The following DIPK1B variants were observed in gnomAD, a reference collection of about 807,000 sequenced individuals.
DIPK1B encodes family with sequence similarity 69 member B.
Under a neutral mutation model 20.7 loss-of-function variants are expected in DIPK1B, and 17 were observed. The ratio of observed to expected loss-of-function variants is 0.82; its 90% confidence interval spans 0.56 to 1.23. DIPK1B has a LOEUF of 1.23. DIPK1B is among the 50% of genes most tolerant of loss of function. The pLI is 0.00. For synonymous variants in DIPK1B, 343 were observed against 276.5 expected, an observed-to-expected ratio of 1.24 and a Z score of -2.39; for missense variants, 648 against 601.8, an observed-to-expected ratio of 1.08 and a Z score of -0.80.
At position 136,722,991 on chromosome 9, in the gene DIPK1B, G is replaced by C; in HGVS notation, c.513G>C (p.Pro171=). 5 of 1,608,740 alleles carry C rather than the reference G, an allele frequency of 3.1e-6. No individual in the cohort carries two copies. Among genetic ancestry groups the C allele is most frequent in the East Asian group, 2.2e-5 (1 of 44,718 alleles). ...ACCTGGGAGACCTGCCTTCCCTGCCGGCGCTGGTTGGCCAGGTCCTGCTCA... is the reference window on the plus strand; with the variant it reads ...ACCTGGGAGACCTGCCTTCCCTGCCCGCGCTGGTTGGCCAGGTCCTGCTCA... ...KANLGDLPSL[P]ALVGQVLLMA... is the part of the protein sequence containing the mutation. Residue 171 remains proline (P), a synonymous_variant, in exon 5 of 5, where the codon CCG becomes CCC. Coordinates refer to ENST00000371692, the MANE Select transcript of DIPK1B (RefSeq NM_152421.4).
intron 2 of DIPK1B, among the ~76,000 whole-genome samples, chr9:136,719,326 A>G (rs1036760119): frequency 6.6e-6 from 1 of 152,070 alleles, no homozygotes; most frequent in South Asian, 2.1e-4. Flanking sequence ...GGCTGCTCAG[A>G]GCCTTCCCAG....
Position 136,723,327 on chromosome 9 carries a change from G to A in DIPK1B, c.849G>A (p.Glu283=), listed in dbSNP as rs749876390. ...KIAIGLLEFV[E]ELFHGSYGTF... ...CCATCGGCCTGCTGGAGTTCGTGGA[G>A]GAGCTCTTCCACGGCTCTTACGGGA... The change falls in exon 5 of 5, where the codon GAG becomes GAA. Residue 283 remains glutamate, a synonymous_variant. Coordinates refer to ENST00000371692, the MANE Select transcript of DIPK1B (RefSeq NM_152421.4). 1 of 1,613,256 alleles carries A rather than the reference G, an allele frequency of 6.2e-7. No homozygotes were observed. Among genetic ancestry groups the A allele is most frequent in the South Asian group, 1.1e-5 (1 of 91,090 alleles).
At chr9:136,722,405 C>G in intron 4 of DIPK1B, 104 bp downstream of exon 4, 1 of 1,270,730 alleles carries the variant, frequency 7.9e-7, no homozygotes, top group Non-Finnish European at 1.1e-6. Flanking sequence ...CACAGATGGG[C>G]CCAAGTGGAC....
intron 2 of DIPK1B, among the ~76,000 whole-genome samples, chr9:136,720,020 G>A (rs1407517711): frequency 6.6e-6 from 1 of 150,462 alleles, no homozygotes; most frequent in East Asian, 2.0e-4. Flanking sequence ...TGTGTGGTCT[G>A]GGGTTCCAGG....
intron 1 of DIPK1B, 118 bp from the exon 2 acceptor site, chr9:136,717,455 AAGGG>A: frequency 8.4e-7 from 1 of 1,192,514 alleles, no homozygotes; most frequent in South Asian, 1.4e-5. Flanking sequence ...CCAGGGGGCC[AAGGG>A]GATGGCAGGG....
intron 2 of DIPK1B, among the ~76,000 whole-genome samples, chr9:136,719,757 G>A (rs1234812302): frequency 3.9e-5 from 6 of 152,356 alleles, no homozygotes; most frequent in African/African-American, 9.6e-5. Flanking sequence ...CCCAGCCCCA[G>A]CCCCAGCCTG....
chr9:136,723,897 C>G lies in DIPK1B; in HGVS notation c.*123C>G. 9.9e-7 allele frequency: 1 copy of G among 1,012,118 alleles called. No homozygotes were observed. The highest frequency in any genetic ancestry group is 2.6e-5 in the East Asian group (1 of 38,144). The allele number at this position is 1,012,118 out of a possible 1,614,324, so 62.7% of individuals were successfully genotyped here. The stretch of plus-strand genomic sequence containing the variant: ...CTGTGTTGCAAAATCACTCCCCTAC[C>G]GTCAGGGCTCTGGATTCCAGCACCA... On this transcript the variant is annotated 3_prime_UTR_variant, in exon 5 of 5. Coordinates refer to ENST00000371692, the MANE Select transcript of DIPK1B (RefSeq NM_152421.4).
intron 1 of DIPK1B, among the ~76,000 whole-genome samples, chr9:136,716,909 G>C (rs1846505269): frequency 6.6e-6 from 1 of 152,148 alleles, no homozygotes; most frequent in South Asian, 2.1e-4. Flanking sequence ...TATGAAATGA[G>C]ATCAGGATAG....
intron 2 of DIPK1B, chr9:136,720,736 G>T (rs753896805): frequency 1.3e-5 from 2 of 152,302 alleles, no homozygotes; most frequent in South Asian, 4.1e-4. Context: ...CTCTGACAAC[G>T]GAGCGCTTGA....
intron 2 of DIPK1B, among the ~76,000 whole-genome samples, chr9:136,719,449 G>A (rs1382350497): frequency 6.6e-6 from 1 of 152,208 alleles, no homozygotes; most frequent in Non-Finnish European, 1.5e-5. Context: ...ACGCCTCAGA[G>A]AGGCGCAGAG....
intron 1 of DIPK1B, among the ~76,000 whole-genome samples, chr9:136,713,071 A>T (rs1165735126): frequency 6.6e-6 from 1 of 151,904 alleles, no homozygotes; most frequent in Non-Finnish European, 1.5e-5. Context: ...GCGGTAGAAA[A>T]CTTGGGACGC....
chr9:136,723,946 G>A lies in DIPK1B; in HGVS notation c.*172G>A, dbSNP rs757639592. Reference sequence around the variant, plus strand: ...CACAGACATGAGACCCCAGCTCGGAGCAAAGGCGGACATGGACATCCCGGC... The same window carrying A: ...CACAGACATGAGACCCCAGCTCGGAACAAAGGCGGACATGGACATCCCGGC... On this transcript the variant is annotated 3_prime_UTR_variant, in exon 5 of 5. Coordinates refer to ENST00000371692, the MANE Select transcript of DIPK1B (RefSeq NM_152421.4). The A allele has an allele frequency of 3.9e-5, 27 of 685,606 alleles. No individual in the cohort carries two copies. Among genetic ancestry groups the A allele is most frequent in the Non-Finnish European group, 6.0e-5 (25 of 415,236 alleles). 42.5% of individuals were successfully genotyped at this position (685,606 alleles called of 1,614,324 possible).
intron 1 of DIPK1B, among the ~76,000 whole-genome samples, chr9:136,714,103 T>G (rs1846463306): frequency 6.6e-6 from 1 of 152,144 alleles, no homozygotes. Flanking sequence ...GGGAGCACTG[T>G]GGGGGCCTTG....
rs1469697368 is a variant in DIPK1B, at chr9:136,723,486, C to T, written c.1008C>T (p.His336=). 1.2e-6 allele frequency: 2 copies of T among 1,610,050 alleles called. No individual in the cohort carries two copies. The part of the protein sequence containing the change: ...RRFLQGRRCE[H]STDCTYGRDC... Reference sequence around the variant, plus strand: ...TCCTGCAGGGCCGCCGCTGCGAGCACAGCACCGACTGCACCTACGGGCGCG... The same window carrying T: ...TCCTGCAGGGCCGCCGCTGCGAGCATAGCACCGACTGCACCTACGGGCGCG... The change falls in exon 5 of 5, where the codon CAC becomes CAT. Residue 336 remains histidine (H), a synonymous_variant. Coordinates refer to ENST00000371692, the MANE Select transcript of DIPK1B (RefSeq NM_152421.4).
chr9:136,713,339 A>G (rs1846452533), intron 1 of DIPK1B, among the ~76,000 whole-genome samples: 1 of 152,056 alleles, frequency 6.6e-6, no homozygotes, highest in African/African-American at 2.4e-5. Context: ...CTCGGATGGG[A>G]TGCCCTCCCA....
chr9:136,719,008 C>T (rs1846547127), intron 2 of DIPK1B, among the ~76,000 whole-genome samples: 1 of 152,104 alleles, frequency 6.6e-6, no homozygotes, highest in Non-Finnish European at 1.5e-5. Flanking sequence ...GCCTCTGAGC[C>T]CAGCAGGGCC....
intron 2 of DIPK1B, 152 bp downstream of exon 2, chr9:136,717,863 T>C (rs1213813181): frequency 9.9e-6 from 12 of 1,217,644 alleles, no homozygotes; most frequent in Non-Finnish European, 1.2e-5. Flanking sequence ...TGCCTCAGGC[T>C]GGGTGTGGAG....
In DIPK1B at chr9:136,712,822, G is replaced by C; in HGVS notation, c.63+94G>C. On this transcript the variant is annotated intron_variant, in intron 1 of 4. Coordinates refer to ENST00000371692, the MANE Select transcript of DIPK1B (RefSeq NM_152421.4). The surrounding 1 kb of genome is among the most constrained non-coding windows in gnomAD (Gnocchi z 5.6). ...TGGGCCGAGTACGGAGCGGGGCCCC[G>C]GGTTCGGACACGAAGGGTTCATGAG... 1.1e-6 allele frequency: 1 copy of C among 899,392 alleles called. No individual in the cohort carries two copies. The highest frequency in any genetic ancestry group is 3.7e-5 in the East Asian group (1 of 27,296). 55.7% of individuals were successfully genotyped at this position (899,392 alleles called of 1,614,324 possible).
intron 1 of DIPK1B, among the ~76,000 whole-genome samples, chr9:136,716,183 G>T (rs1186131995): frequency 6.6e-6 from 1 of 151,884 alleles, no homozygotes; most frequent in East Asian, 1.9e-4. Context: ...GATAGACGCA[G>T]CTGCTCTTCC....
Sources: gnomAD v4.1 joint callset for allele counts (sites outside exome capture counted in the v4.1 genomes callset) on GRCh38, gnomAD v4.1.1 for gene constraint, Gnocchi (gnomAD v3.1) non-coding constraint, MANE v1.5 for transcripts, NCBI Gene and HGNC (gene_info 2026-07-23, HGNC 2026-07-21) for gene names.